The following PPFIA2 variants were observed in gnomAD, a reference collection of about 807,000 sequenced individuals.
The protein encoded by PPFIA2 is PPFI scaffold protein A2, also known as liprin-alpha-2.
A neutral mutation model predicts 175.5 loss-of-function variants in PPFIA2; 46 were observed. The observed-to-expected ratio is 0.26, with a 90% CI of 0.21 to 0.34. The LOEUF (loss-of-function observed/expected upper bound fraction) is 0.34, where lower values mean the gene tolerates loss of function less well. PPFIA2 is among the 10% of genes least tolerant of loss of function. The pLI is 1.00. For missense variants in PPFIA2, 1,179 were observed against 1,506.1 expected (o/e 0.78, Z 3.60); for synonymous variants, 568 against 511.4 (o/e 1.11, Z -1.49).
intron 3 of PPFIA2, among the ~76,000 whole-genome samples, chr12:81,691,893 A>G (rs923371594): frequency 9.2e-5 from 14 of 152,084 alleles, no homozygotes; most frequent in Admixed American, 3.9e-4. Flanking sequence ...GGAAATTGTG[A>G]TAGGAAGACT....
intron 5 of PPFIA2, among the ~76,000 whole-genome samples, chr12:81,451,985 T>G (rs1205421488): frequency 6.6e-6 from 1 of 152,188 alleles, no homozygotes; most frequent in East Asian, 1.9e-4. Context: ...GAACTCTCTT[T>G]GGTATACTCA....
At position 81,703,834 on chromosome 12, in the gene PPFIA2, C is replaced by T. The variant is rs138160783; in HGVS notation, c.250-26990G>A. Among the ~76,000 whole-genome samples the T allele has an allele frequency of 2.6e-4, 39 of 152,214 alleles. 1 individual carries two copies. Among genetic ancestry groups the T allele is most frequent in the South Asian group, 2.1e-4 (1 of 4,828 alleles). ...CATATGATACTCTTTCTCTCTGGAA[C>T]GCTCTTTCTTCTGCTCTTCGTAAGG... is the stretch of plus-strand genomic sequence containing the variant. On this transcript the variant is annotated intron_variant, in intron 3 of 32. Transcript: ENST00000549396.
intron 4 of PPFIA2, among the ~76,000 whole-genome samples, chr12:81,499,893 T>C (rs1378216113): frequency 6.6e-6 from 1 of 152,134 alleles, no homozygotes. Flanking sequence ...GATGATTTCC[T>C]ATGCCTAAGT....
chr12:81,607,462 T>C (rs552625519), intron 4 of PPFIA2, among the ~76,000 whole-genome samples: 67 of 152,280 alleles, frequency 4.4e-4, no homozygotes, highest in Non-Finnish European at 7.1e-4. Context: ...ATTTGTGTCA[T>C]CTCTGATTTA....
chr12:81,383,682 T>G (rs1050572610), intron 9 of PPFIA2, among the ~76,000 whole-genome samples: 11 of 152,188 alleles, frequency 7.2e-5, no homozygotes, highest in Non-Finnish European at 1.5e-4. Context: ...GTAGTATTCC[T>G]ATATGCTAAG....
chr12:81,735,974 G>T (rs959477592), intron 3 of PPFIA2, among the ~76,000 whole-genome samples: 1 of 151,790 alleles, frequency 6.6e-6, no homozygotes, highest in South Asian at 2.1e-4. Context: ...TGTCCTTTTA[G>T]AGTAAGTTTT....
chr12:81,742,212 A>G (rs1233232148), intron 3 of PPFIA2, among the ~76,000 whole-genome samples: 1 of 152,228 alleles, frequency 6.6e-6, no homozygotes, highest in Non-Finnish European at 1.5e-5. Context: ...TAAGACATTA[A>G]GTTATTTCAG....
intron 4 of PPFIA2, among the ~76,000 whole-genome samples, chr12:81,646,144 C>CTTTA (rs1222150386): frequency 6.6e-6 from 1 of 152,156 alleles, no homozygotes; most frequent in Admixed American, 6.5e-5. Flanking sequence ...CCAACCAGCC[C>CTTTA]TTTACAGTAG....
chr12:81,439,876 T>C (rs2049843213), intron 7 of PPFIA2, 96 bp downstream of exon 7: 5 of 1,019,468 alleles, frequency 4.9e-6, no homozygotes, highest in East Asian at 5.0e-5. Flanking sequence ...ATGTAATTTA[T>C]TTTTTGTGAC....
In PPFIA2 at chr12:81,328,967, C is replaced by G. The variant is rs117377794; in HGVS notation, c.2549-3097G>C. Reference sequence around the variant, plus strand: ...TATAGATGTGTGCCACTATGCCCGGCTAGTTTTTCTATTTTTTGTAGAGAT... The same window carrying G: ...TATAGATGTGTGCCACTATGCCCGGGTAGTTTTTCTATTTTTTGTAGAGAT... On this transcript the variant is annotated intron_variant, in intron 21 of 32. Coordinates refer to ENST00000549396, the MANE Select transcript of PPFIA2 (RefSeq NM_003625.5). 1.5e-3 allele frequency among the ~76,000 whole-genome samples: 229 copies of G among 152,058 alleles called. 2 individuals are homozygous for G. The East Asian group carries it at 0.028, about 18-fold the overall frequency.
intron 4 of PPFIA2, among the ~76,000 whole-genome samples, chr12:81,498,911 C>T (rs1188720866): frequency 6.6e-6 from 1 of 152,192 alleles, no homozygotes; most frequent in Non-Finnish European, 1.5e-5. Flanking sequence ...ACGTGAGCCA[C>T]CGTGCCCGGC....
chr12:81,374,148 T>C (rs1007263166), intron 11 of PPFIA2, among the ~76,000 whole-genome samples: 2 of 152,106 alleles, frequency 1.3e-5, no homozygotes, highest in African/African-American at 2.4e-5. Context: ...ATTACAACTA[T>C]AAAACTGCTT....
chr12:81,557,514 C>A (rs541841465), intron 4 of PPFIA2, among the ~76,000 whole-genome samples: 1 of 152,088 alleles, frequency 6.6e-6, no homozygotes, highest in South Asian at 2.1e-4. Context: ...GGAGAAGTAT[C>A]TTTAAAACTG....
At chr12:81,303,978 G>T (rs2048510333) in intron 22 of PPFIA2, among the ~76,000 whole-genome samples, 1 of 152,134 alleles carries the variant, frequency 6.6e-6, no homozygotes, top group Non-Finnish European at 1.5e-5. Flanking sequence ...AGCGATTGTT[G>T]TTGTGGTCTA....
At chr12:81,728,576 T>C (rs1345148951) in intron 3 of PPFIA2, among the ~76,000 whole-genome samples, 1 of 151,486 alleles carries the variant, frequency 6.6e-6, no homozygotes, top group African/African-American at 2.4e-5. Context: ...TAATAAAAAC[T>C]ATAGTTTGTT....
chr12:81,676,606 T>A, intron 4 of PPFIA2, 185 bp downstream of exon 4: 1 of 378,610 alleles, frequency 2.6e-6, no homozygotes, highest in Non-Finnish European at 4.7e-6. Context: ...TTGTTAAAAC[T>A]TTTTAATAAA....
intron 4 of PPFIA2, among the ~76,000 whole-genome samples, chr12:81,596,376 C>A (rs898683684): frequency 1.3e-5 from 2 of 151,778 alleles, no homozygotes; most frequent in East Asian, 3.9e-4. Context: ...TGTTATAGAC[C>A]TCAGGATCAA....
intron 24 of PPFIA2, among the ~76,000 whole-genome samples, chr12:81,287,942 C>T (rs573315029): frequency 6.6e-6 from 1 of 151,848 alleles, no homozygotes; most frequent in African/African-American, 2.4e-5. Flanking sequence ...TATCTACTCA[C>T]TGCCCTTGGT....
chr12:81,751,272 A>T (rs2083726670), intron 3 of PPFIA2, among the ~76,000 whole-genome samples: 1 of 152,144 alleles, frequency 6.6e-6, no homozygotes, highest in African/African-American at 2.4e-5. Flanking sequence ...AACTATAGCC[A>T]TCTAAATGTA....
Sources: gnomAD v4.1 joint callset for allele counts (sites outside exome capture counted in the v4.1 genomes callset) on GRCh38, gnomAD v4.1.1 for gene constraint, MANE v1.5 for transcripts, NCBI Gene and HGNC (gene_info 2026-07-23, HGNC 2026-07-21) for gene names.